Variants in PCDHA4 observed in about 807,000 individuals in gnomAD.
PCDHA4 encodes the protein protocadherin alpha-4.
In PCDHA4, 49 loss-of-function variants were observed where a neutral mutation model predicts 61.4. The observed-to-expected ratio is 0.80, with a 90% CI of 0.63 to 1.01. The LOEUF (loss-of-function observed/expected upper bound fraction) is 1.01, where lower values mean the gene tolerates loss of function less well. PCDHA4 is among the 50% of genes least tolerant of loss of function. PCDHA4 has a pLI of 0.00. For synonymous variants in PCDHA4, 590 were observed against 550.3 expected (o/e 1.07, Z -1.01); for missense variants, 1,254 against 1,235.8 (o/e 1.01, Z -0.22).
Position 140,836,166 on chromosome 5 carries a change from C to T in PCDHA4, c.2385+26594C>T, listed in dbSNP as rs373780071. On this transcript the variant is annotated intron_variant, in intron 1 of 3. Coordinates refer to ENST00000530339, the MANE Select transcript of PCDHA4 (RefSeq NM_018907.4). ...CGCGGGCCATGTGGTGGCGAAGGTACGTGCAGTTGACGCTGACTCAGGCTA... is the reference window on the plus strand; with the variant it reads ...CGCGGGCCATGTGGTGGCGAAGGTATGTGCAGTTGACGCTGACTCAGGCTA... The T allele has an allele frequency of 4.3e-6, 7 of 1,613,708 alleles. No homozygotes were observed. In the African/African-American group the frequency reaches 5.3e-5, roughly 12 times the overall value.
intron 1 of PCDHA4, chr5:140,830,300 C>T: frequency 6.2e-7 from 1 of 1,613,888 alleles, no homozygotes; most frequent in Non-Finnish European, 8.5e-7. Flanking sequence ...GGCGGACAAG[C>T]CCACGCTGGT....
Position 140,843,367 on chromosome 5 carries a change from G to A in PCDHA4, c.2385+33795G>A, listed in dbSNP as rs2150358389. The stretch of plus-strand genomic sequence containing the variant: ...AGGCTCCAAAAGCGTCATCGAGGCA[G>A]TCGGCTGGCGTTTTGGGTCCGGAAG... On this transcript the variant is annotated intron_variant, in intron 1 of 3. Coordinates refer to ENST00000530339, the MANE Select transcript of PCDHA4 (RefSeq NM_018907.4). 3 of 1,596,142 alleles carry A rather than the reference G, an allele frequency of 1.9e-6. No homozygotes were observed. In the East Asian group the frequency reaches 6.7e-5, roughly 36 times the overall value.
intron 3 of PCDHA4, among the ~76,000 whole-genome samples, chr5:140,988,308 G>A (rs75602297): frequency 6.6e-6 from 1 of 152,298 alleles, no homozygotes; most frequent in East Asian, 1.9e-4. Flanking sequence ...TGCCAGCTTG[G>A]CTTGGCTTTC....
chr5:140,882,406 C>T, intron 1 of PCDHA4: 3 of 1,614,138 alleles, frequency 1.9e-6, no homozygotes, highest in Non-Finnish European at 2.5e-6. Context: ...CCTTCGTGGG[C>T]CGCATCGCTC....
Position 141,010,344 on chromosome 5 carries a change from G to C in PCDHA4, c.*407G>C. ...CAGCTTGGGAGTTTGTGGCCACTGG[G>C]TATGTGTGGCTACCGCGGGTATGCG... is the stretch of plus-strand genomic sequence containing the variant. On this transcript the variant is annotated 3_prime_UTR_variant, in exon 4 of 4. Transcript: ENST00000530339. 1 of 1,518,888 alleles carries C rather than the reference G, an allele frequency of 6.6e-7. No homozygotes were observed. Among genetic ancestry groups the C allele is most frequent in the Non-Finnish European group, 8.8e-7 (1 of 1,132,764 alleles). The allele number at this position is 1,518,888 out of a possible 1,614,324, so 94.1% of individuals were successfully genotyped here.
chr5:140,883,083 G>A (rs267600402), intron 1 of PCDHA4: 8 of 1,614,082 alleles, frequency 5.0e-6, no homozygotes, highest in Non-Finnish European at 6.8e-6. Flanking sequence ...CCTGATGATG[G>A]TACAAATGGA....
At chr5:140,843,013 A>C in intron 1 of PCDHA4, 1 of 1,595,130 alleles carries the variant, frequency 6.3e-7, no homozygotes, top group South Asian at 1.1e-5. Context: ...ACGCGCCGGC[A>C]CTGCTGGAGC....
At chr5:140,941,202 CCTTTCTTTCTTCCTTT>C (rs1307053809) in intron 1 of PCDHA4, among the ~76,000 whole-genome samples, 1 of 122,742 alleles carries the variant, frequency 8.1e-6, no homozygotes, top group Non-Finnish European at 1.8e-5. Context: ...TTTCTTTCTT[CCTTTCTTTCTTCCTTT>C]CTTTCTTTCT....
chr5:140,841,077 G>A, intron 1 of PCDHA4: 1 of 526,540 alleles, frequency 1.9e-6, no homozygotes, highest in South Asian at 2.8e-5. Flanking sequence ...GAAATAGAAA[G>A]TGCATAGAAG....
At chr5:140,824,646 A>G (rs1554130025) in intron 1 of PCDHA4, 2 of 90,532 alleles carry the variant, frequency 2.2e-5, no homozygotes, top group Non-Finnish European at 3.9e-5. Context: ...TTCTGTAGAG[A>G]TAGGGGTCTT....
At chr5:140,894,957 T>C (rs530563833) in intron 1 of PCDHA4, among the ~76,000 whole-genome samples, 1 of 152,206 alleles carries the variant, frequency 6.6e-6, no homozygotes, top group African/African-American at 2.4e-5. Flanking sequence ...ATGATAAAAA[T>C]ATAATTTTTT....
At chr5:140,893,318 T>C (rs1329749503) in intron 1 of PCDHA4, among the ~76,000 whole-genome samples, 2 of 152,170 alleles carry the variant, frequency 1.3e-5, no homozygotes, top group African/African-American at 2.4e-5. Context: ...TTTGAGGGAC[T>C]CCCATACTGT....
intron 1 of PCDHA4, chr5:140,850,199 T>C (rs2041415028): frequency 1.9e-6 from 3 of 1,592,798 alleles, no homozygotes; most frequent in Admixed American, 1.7e-5. Context: ...TGCTGACACC[T>C]CGGATGAGGG....
chr5:140,871,533 G>T, intron 1 of PCDHA4: 1 of 1,516,446 alleles, frequency 6.6e-7, no homozygotes, highest in Non-Finnish European at 8.8e-7. Flanking sequence ...GGAAGTGTAT[G>T]TGAAATTATT....
chr5:140,969,549 C>G (rs1213967618), intron 1 of PCDHA4: 33 of 1,238,058 alleles, frequency 2.7e-5, no homozygotes, highest in Non-Finnish European at 3.4e-5. Flanking sequence ...AGGCATGAAG[C>G]CTTGTCCATA....
At chr5:140,835,008 C>A in intron 1 of PCDHA4, 1 of 1,388,200 alleles carries the variant, frequency 7.2e-7, no homozygotes. Context: ...TCCGGAGCTT[C>A]ATTTATTGCT....
At chr5:140,921,621 A>G (rs1274986378) in intron 1 of PCDHA4, among the ~76,000 whole-genome samples, 1 of 152,222 alleles carries the variant, frequency 6.6e-6, no homozygotes, top group African/African-American at 2.4e-5. Context: ...ATATCATCAG[A>G]TCATCATTAT....
intron 1 of PCDHA4, chr5:140,860,153 GTATATATATATGTA>G (rs1410832204): frequency 1.4e-5 from 2 of 147,972 alleles, no homozygotes; most frequent in Admixed American, 1.4e-4. Flanking sequence ...GTATATATGT[GTATATATATATGTA>G]TATATATATG....
intron 1 of PCDHA4, chr5:140,928,813 C>T: frequency 6.2e-7 from 1 of 1,614,118 alleles, no homozygotes; most frequent in Non-Finnish European, 8.5e-7. Flanking sequence ...GGTTCGGGAC[C>T]ATGGAGACCC....
Sources: allele counts gnomAD v4.1 joint callset (sites outside exome capture counted in the v4.1 genomes callset), GRCh38; gene constraint gnomAD v4.1.1; transcripts MANE v1.5; gene names NCBI Gene and HGNC (gene_info 2026-07-23, HGNC 2026-07-21).